The following BMPER variants were observed in gnomAD, a reference collection of about 807,000 sequenced individuals.
BMPER encodes the protein BMP-binding endothelial regulator protein.
A neutral mutation model predicts 87.3 loss-of-function variants in BMPER; 45 were observed. That is an observed-to-expected ratio of 0.52 (90% CI 0.41 to 0.66). The LOEUF (loss-of-function observed/expected upper bound fraction) is 0.66. BMPER is among the 30% of genes least tolerant of loss of function. BMPER has a pLI of 0.00. For synonymous variants in BMPER, 326 were observed against 316.2 expected (o/e 1.03, Z -0.33); for missense variants, 784 against 867.5 (o/e 0.90, Z 1.21).
At chr7:34,094,056 G>T (rs1789464077) in intron 13 of BMPER, among the ~76,000 whole-genome samples, 1 of 152,170 alleles carries the variant, frequency 6.6e-6, no homozygotes, top group Non-Finnish European at 1.5e-5. Flanking sequence ...CACCTGGTCT[G>T]GGGGCTCCAT....
At position 34,080,585 on chromosome 7, in the gene BMPER, G is replaced by A. The variant is rs532683809; in HGVS notation, c.1408+1399G>A. On this transcript the variant is annotated intron_variant, in intron 12 of 14. Coordinates refer to ENST00000649409, the MANE Select transcript of BMPER (RefSeq NM_001365308.1). The stretch of plus-strand genomic sequence containing the variant: ...TGCTCTTATATCCAAAAGACATGGC[G>A]CTCTGTAAATGTAGGCTCCAGGACA... 4.5e-4 allele frequency among the ~76,000 whole-genome samples: 68 copies of A among 152,280 alleles called. 1 individual carries two copies. In the South Asian group the frequency reaches 0.014, roughly 31 times the overall value.
chr7:34,150,994 A>AATTC (rs2127996807), intron 14 of BMPER, among the ~76,000 whole-genome samples: 1 of 152,274 alleles, frequency 6.6e-6, no homozygotes, highest in Admixed American at 6.5e-5. Flanking sequence ...AAGAGGTGGG[A>AATTC]ATTCAGTTGG....
rs140306181 is a variant in BMPER, at chr7:34,118,719, T to C, written c.1746-24511T>C. Among the ~76,000 whole-genome samples, 154 of 152,296 alleles carry C rather than the reference T, an allele frequency of 1.0e-3. No individual in the cohort carries two copies. The South Asian group carries it at 0.011, about 11-fold the overall frequency. On this transcript the variant is annotated intron_variant, in intron 13 of 14. Transcript: ENST00000649409. ...TAGATTCCTCTGTGCAGGTATCACTTATATGAAATTAATATTTAGATTAGC... is the reference window on the plus strand; with the variant it reads ...TAGATTCCTCTGTGCAGGTATCACTCATATGAAATTAATATTTAGATTAGC...
chr7:33,953,246 G>A (rs1436216547), intron 3 of BMPER, among the ~76,000 whole-genome samples: 2 of 152,244 alleles, frequency 1.3e-5, no homozygotes. Context: ...GGAGCTGAAG[G>A]CAAAAGCCTG....
chr7:34,113,521 C>T (rs577817184), intron 13 of BMPER, among the ~76,000 whole-genome samples: 9 of 149,258 alleles, frequency 6.0e-5, no homozygotes, highest in South Asian at 2.2e-4. Flanking sequence ...TTATTTTGGC[C>T]AGCATATTTT....
At chr7:33,986,316 T>G (rs1443077860) in intron 6 of BMPER, among the ~76,000 whole-genome samples, 2 of 152,200 alleles carry the variant, frequency 1.3e-5, no homozygotes, top group Non-Finnish European at 2.9e-5. Context: ...CCTAGGATGT[T>G]GTTCTGGGTT....
intron 13 of BMPER, among the ~76,000 whole-genome samples, chr7:34,099,410 C>A: frequency 6.6e-6 from 1 of 152,100 alleles, no homozygotes; most frequent in East Asian, 1.9e-4. Flanking sequence ...AATGTATTTT[C>A]ATTTTGAAGG....
intron 6 of BMPER, among the ~76,000 whole-genome samples, chr7:34,027,010 G>A (rs1230626836): frequency 6.6e-6 from 1 of 152,042 alleles, no homozygotes; most frequent in Non-Finnish European, 1.5e-5. Context: ...TGATGTAAGT[G>A]GTGATGTATG....
At chr7:33,927,848 A>G (rs1325834690) in intron 2 of BMPER, among the ~76,000 whole-genome samples, 3 of 152,200 alleles carry the variant, frequency 2.0e-5, no homozygotes, top group African/African-American at 7.2e-5. Context: ...AGTTCAAAAG[A>G]ACTCACCAGA....
rs184032883 is a variant in BMPER, at chr7:34,026,466, G to A, written c.577-19840G>A. Among the ~76,000 whole-genome samples, 563 of 152,178 alleles carry A rather than the reference G, an allele frequency of 3.7e-3. 1 individual carries two copies. The highest frequency in any genetic ancestry group is 7.7e-3 in the Admixed American group (118 of 15,278). ...AGATCAGACCTCTAAGCAAGCAGCTGAAAAGCCATGTTGTTGACTTCAGCA... is the reference window on the plus strand; with the variant it reads ...AGATCAGACCTCTAAGCAAGCAGCTAAAAAGCCATGTTGTTGACTTCAGCA... On this transcript the variant is annotated intron_variant, in intron 6 of 14. Coordinates refer to ENST00000649409, the MANE Select transcript of BMPER (RefSeq NM_001365308.1).
intron 13 of BMPER, among the ~76,000 whole-genome samples, chr7:34,128,982 C>A (rs187498786): frequency 6.6e-6 from 1 of 152,240 alleles, no homozygotes; most frequent in Non-Finnish European, 1.5e-5. Flanking sequence ...GTCATCCGGC[C>A]TGTTGGGTTT....
chr7:34,031,674 C>T (rs1051086279), intron 6 of BMPER, among the ~76,000 whole-genome samples: 1 of 151,694 alleles, frequency 6.6e-6, no homozygotes, highest in African/African-American at 2.4e-5. Context: ...AAGAGGGTGC[C>T]AGAGGTTCAT....
At chr7:33,936,714 G>A (rs1784611779) in intron 2 of BMPER, among the ~76,000 whole-genome samples, 1 of 152,154 alleles carries the variant, frequency 6.6e-6, no homozygotes, top group East Asian at 1.9e-4. Context: ...TAACACAGCT[G>A]TCCCACAGCT....
intron 14 of BMPER, among the ~76,000 whole-genome samples, chr7:34,147,216 A>G (rs536067749): frequency 7.7e-4 from 118 of 152,266 alleles, no homozygotes; most frequent in African/African-American, 2.8e-3. Context: ...CCCTAATTAT[A>G]TACACTGAGT....
intron 2 of BMPER, among the ~76,000 whole-genome samples, chr7:33,927,409 A>G (rs1784386775): frequency 1.3e-5 from 2 of 152,144 alleles, no homozygotes; most frequent in South Asian, 4.2e-4. Context: ...TTTTGCCACC[A>G]CCAATTGCCA....
intron 6 of BMPER, among the ~76,000 whole-genome samples, chr7:33,991,282 C>T (rs1032312153): frequency 1.3e-5 from 2 of 151,630 alleles, no homozygotes; most frequent in African/African-American, 4.8e-5. Context: ...TGGTTATTGC[C>T]ACAATTTTAG....
At chr7:34,008,325 G>C (rs548091386) in intron 6 of BMPER, among the ~76,000 whole-genome samples, 148 of 151,972 alleles carry the variant, frequency 9.7e-4, no homozygotes, top group African/African-American at 3.4e-3. Context: ...ATTTGTCACT[G>C]TTGATTCTGT....
chr7:33,967,671 A>C (rs1785438011), intron 4 of BMPER, among the ~76,000 whole-genome samples: 2 of 152,174 alleles, frequency 1.3e-5, no homozygotes, highest in Admixed American at 1.3e-4. Context: ...CTGCAAAGGG[A>C]TGAGAGCAAT....
chr7:34,015,502 G>T (rs1255706889), intron 6 of BMPER, among the ~76,000 whole-genome samples: 2 of 151,888 alleles, frequency 1.3e-5, no homozygotes, highest in Non-Finnish European at 2.9e-5. Context: ...CCTAATAGCT[G>T]GCATATACAC....
Sources: gnomAD v4.1 joint callset for allele counts (sites outside exome capture counted in the v4.1 genomes callset) on GRCh38, gnomAD v4.1.1 for gene constraint, MANE v1.5 for transcripts, NCBI Gene and HGNC (gene_info 2026-07-23, HGNC 2026-07-21) for gene names.